ESR1: variants seen among roughly 807,000 people sequenced by gnomAD.
ESR1 encodes estrogen receptor 1.
Under a neutral mutation model 52.7 loss-of-function variants are expected in ESR1, and 12 were observed. That is an observed-to-expected ratio of 0.23 (90% CI 0.15 to 0.37). The LOEUF (loss-of-function observed/expected upper bound fraction) is 0.37. Ranked by LOEUF, ESR1 falls within the 10% of genes least tolerant of loss-of-function variation. ESR1 has a pLI of 1.00. For synonymous variants in ESR1, 305 were observed against 316.8 expected, an observed-to-expected ratio of 0.96 and a Z score of 0.39; for missense variants, 584 against 779.7, an observed-to-expected ratio of 0.75 and a Z score of 2.99.
chr6:152,121,135 A>G (rs1442440797), intron 6 of ESR1, among the ~76,000 whole-genome samples: 2 of 152,248 alleles, frequency 1.3e-5, no homozygotes, highest in South Asian at 2.1e-4. Context: ...GAATTATTAA[A>G]TGATACATTA....
chr6:151,917,591 A>G (rs866029639), intron 3 of ESR1, among the ~76,000 whole-genome samples: 3 of 152,144 alleles, frequency 2.0e-5, no homozygotes, highest in African/African-American at 7.2e-5. Flanking sequence ...CAGTTACTTG[A>G]TCTAGGCCTT....
chr6:151,735,536 C>T (rs913448525), intron 2 of ESR1, among the ~76,000 whole-genome samples: 64 of 152,122 alleles, frequency 4.2e-4, no homozygotes, highest in African/African-American at 1.5e-3. Flanking sequence ...AGTCTTGCCT[C>T]AGTGGGAGGT....
intron 3 of ESR1, among the ~76,000 whole-genome samples, chr6:151,891,082 C>G (rs1794640591): frequency 6.6e-6 from 1 of 152,160 alleles, no homozygotes; most frequent in Non-Finnish European, 1.5e-5. Flanking sequence ...ATAAGGCTTA[C>G]ATAAAAGATC....
rs78742008 is a variant in ESR1, at chr6:151,996,714, T to C, written c.1097-14942T>C. Reference sequence around the variant, plus strand: ...AACGTAGGACTTTGAGGTTCATCCATCTCAATAGACAAAAGTAAAAGTATG... The same window carrying C: ...AACGTAGGACTTTGAGGTTCATCCACCTCAATAGACAAAAGTAAAAGTATG... On this transcript the variant is annotated intron_variant, in intron 4 of 7. Transcript: ENST00000206249. 1.8e-4 allele frequency among the ~76,000 whole-genome samples: 27 copies of C among 152,254 alleles called. No homozygotes were observed. In the East Asian group the frequency reaches 4.5e-3, roughly 25 times the overall value.
At chr6:151,916,931 G>A (rs1357748862) in intron 3 of ESR1, among the ~76,000 whole-genome samples, 2 of 152,158 alleles carry the variant, frequency 1.3e-5, no homozygotes, top group Non-Finnish European at 2.9e-5. Context: ...GAAATATGAT[G>A]TGCACCCGCT....
chr6:152,003,469 G>C (rs1476948126), intron 4 of ESR1, among the ~76,000 whole-genome samples: 1 of 151,834 alleles, frequency 6.6e-6, no homozygotes, highest in East Asian at 1.9e-4. Context: ...TCAAGTGTGA[G>C]ATCCAGAAAC....
At chr6:151,976,799 C>A (rs2039477869) in intron 4 of ESR1, among the ~76,000 whole-genome samples, 1 of 151,456 alleles carries the variant, frequency 6.6e-6, no homozygotes, top group Non-Finnish European at 1.5e-5. Context: ...TTGGGTATGC[C>A]CTTAACAGTA....
intron 1 of ESR1, among the ~76,000 whole-genome samples, chr6:151,824,805 C>CA (rs1781196896): frequency 6.6e-6 from 1 of 151,994 alleles, no homozygotes; most frequent in South Asian, 2.1e-4. Context: ...CCTGCAGTCC[C>CA]AGCTGCTTGG....
At chr6:151,998,368 C>CT (rs5880952) in intron 4 of ESR1, among the ~76,000 whole-genome samples, 159 of 149,976 alleles carry the variant, frequency 1.1e-3, no homozygotes, top group African/African-American at 1.8e-3. Context: ...AGTATTATTT[C>CT]TTTTTTTTTT....
intron 3 of ESR1, among the ~76,000 whole-genome samples, chr6:151,915,737 C>A (rs1343927366): frequency 1.3e-5 from 2 of 152,116 alleles, no homozygotes; most frequent in Non-Finnish European, 2.9e-5. Context: ...ATAAATGTAT[C>A]TTACCTGGAT....
exon 7 of ESR1, chr6:152,127,035 C>T (rs1478276673): frequency 2.0e-5 from 3 of 152,144 alleles, no homozygotes; most frequent in East Asian, 3.8e-4. Flanking sequence ...CTTTGAAACC[C>T]AGTGTTTCCT....
At chr6:152,063,100 C>T (rs376033709) in intron 6 of ESR1, among the ~76,000 whole-genome samples, 2 of 152,148 alleles carry the variant, frequency 1.3e-5, no homozygotes, top group East Asian at 3.9e-4. Context: ...GACTATATTT[C>T]TCACTGCAGG....
chr6:152,071,739 A>G (rs2128987748), intron 6 of ESR1, among the ~76,000 whole-genome samples: 1 of 152,346 alleles, frequency 6.6e-6, no homozygotes, highest in African/African-American at 2.4e-5. Flanking sequence ...ATGATGATAC[A>G]ACATGATTTA....
rs778326296 is a variant in ESR1 at position 151,808,051 on chromosome 6, A to C, written c.139A>C (p.Ser47Arg). ...CCTGGGCGAGGTGTACCTGGACAGCAGCAAGCCCGCCGTGTACAACTACCC... is the reference window on the plus strand; with the variant it reads ...CCTGGGCGAGGTGTACCTGGACAGCCGCAAGCCCGCCGTGTACAACTACCC... ...RPLGEVYLDS[S>R]KPAVYNYPEG... Residue 47 changes from serine (S) to arginine (R), a missense_variant, in exon 1 of 8, where the codon AGC becomes CGC. Physicochemically the swap from Ser to Arg is moderately radical, Grantham distance 110. Coordinates refer to ENST00000206249, the MANE Select transcript of ESR1 (RefSeq NM_000125.4). 1.2e-5 allele frequency: 19 copies of C among 1,613,506 alleles called. No individual in the cohort carries two copies. Among genetic ancestry groups the C allele is most frequent in the Non-Finnish European group, 1.6e-5 (19 of 1,179,922 alleles).
At chr6:151,946,916 A>T (rs1219612403) in intron 4 of ESR1, among the ~76,000 whole-genome samples, 1 of 152,256 alleles carries the variant, frequency 6.6e-6, no homozygotes, top group Non-Finnish European at 1.5e-5. Flanking sequence ...ATATATTCAA[A>T]TACCATCTGT....
At position 151,847,052 on chromosome 6, in the gene ESR1, A is replaced by G. The variant is rs185646000; in HGVS notation, c.643+4265A>G. On this transcript the variant is annotated intron_variant, in intron 2 of 7. Transcript: ENST00000206249. Reference sequence around the variant, plus strand: ...TATGTTGCCATTTTATATTATTTCTATAAGGTGCCAACAGAAGCTGCTCAT... The same window carrying G: ...TATGTTGCCATTTTATATTATTTCTGTAAGGTGCCAACAGAAGCTGCTCAT... 6.6e-5 allele frequency among the ~76,000 whole-genome samples: 10 copies of G among 152,304 alleles called. No individual in the cohort carries two copies. In the East Asian group the frequency reaches 1.9e-3, roughly 29 times the overall value.
At chr6:151,679,083 T>C (rs1248399176) in intron 1 of ESR1, among the ~76,000 whole-genome samples, 13 of 152,224 alleles carry the variant, frequency 8.5e-5, no homozygotes, top group African/African-American at 3.1e-4. Flanking sequence ...TTTTCTTTAG[T>C]TGAACTCCAG....
downstream of ESR1, among the ~76,000 whole-genome samples, chr6:152,106,083 G>T (rs916658640): frequency 5.3e-5 from 8 of 152,014 alleles, no homozygotes; most frequent in African/African-American, 1.9e-4. Context: ...GTGAGCCACC[G>T]CGCCCGGCCT....
chr6:151,946,512 A>C (rs893069303), intron 4 of ESR1, among the ~76,000 whole-genome samples: 1 of 152,238 alleles, frequency 6.6e-6, no homozygotes, highest in Non-Finnish European at 1.5e-5. Flanking sequence ...CAATAGTTAA[A>C]ATACAATTAT....
Sources: allele counts gnomAD v4.1 joint callset (sites outside exome capture counted in the v4.1 genomes callset), GRCh38; gene constraint gnomAD v4.1.1; transcripts MANE v1.5; gene names NCBI Gene and HGNC (gene_info 2026-07-23, HGNC 2026-07-21).